The following ZNF79 variants were observed in gnomAD, a reference collection of about 807,000 sequenced individuals.
ZNF79 encodes zinc finger protein 79, also known as ZNFpT7.
ZNF79 carries 13 observed loss-of-function variants against 14.9 expected under a neutral mutation model. The ratio of observed to expected loss-of-function variants is 0.87; its 90% CI spans 0.57 to 1.38. The LOEUF (loss-of-function observed/expected upper bound fraction) is 1.38. Among genes scored for constraint, ZNF79 ranks in the 40% most tolerant of loss-of-function variants. ZNF79 has a pLI of 0.00. For missense variants in ZNF79, 631 were observed against 630.6 expected (o/e 1.00, Z -0.01); for synonymous variants, 223 against 235.1 (o/e 0.95, Z 0.47).
chr9:127,440,235 C>G (rs1834026736), intron 4 of ZNF79, among the ~76,000 whole-genome samples: 1 of 151,852 alleles, frequency 6.6e-6, no homozygotes, highest in Non-Finnish European at 1.5e-5. Context: ...GACTGGGGCA[C>G]AAGGCTGAGT....
In ZNF79 at chr9:127,444,134, G is replaced by A; in HGVS notation, c.434G>A (p.Ser145Asn). 1 of 1,613,590 alleles carries A rather than the reference G, an allele frequency of 6.2e-7. No individual in the cohort carries two copies. Among genetic ancestry groups the A allele is most frequent in the Non-Finnish European group, 8.5e-7 (1 of 1,180,026 alleles). Reference protein sequence around the residue: ...MPPGDSDHGTSDLEKSFNLRP... With the variant: ...MPPGDSDHGTNDLEKSFNLRP... The stretch of plus-strand genomic sequence containing the variant: ...CCTGGGGATTCAGACCACGGGACCA[G>A]TGACCTTGAGAAGAGCTTCAATCTG... Residue 145 changes from serine (S) to asparagine (N), a missense_variant, in exon 5 of 5, where the codon AGT (serine) becomes AAT (asparagine). Physicochemically the swap from Ser to Asn is conservative, Grantham distance 46. Transcript: ENST00000342483.
chr9:127,428,160 T>C (rs1259836345), intron 1 of ZNF79, among the ~76,000 whole-genome samples: 1 of 151,912 alleles, frequency 6.6e-6, no homozygotes, highest in Non-Finnish European at 1.5e-5. Context: ...TTTGTATTTT[T>C]AATAGAGACG....
At chr9:127,442,157 T>C (rs988286677) in intron 4 of ZNF79, among the ~76,000 whole-genome samples, 6 of 150,792 alleles carry the variant, frequency 4.0e-5, no homozygotes, top group Non-Finnish European at 8.8e-5. Context: ...TTCCAGCACT[T>C]TGGGAGGCCG....
chr9:127,431,121 G>T, intron 2 of ZNF79, among the ~76,000 whole-genome samples: 1 of 151,424 alleles, frequency 6.6e-6, no homozygotes. Context: ...TTTTTAACGT[G>T]GTTATTTGTT....
At chr9:127,435,452 C>T (rs1266651188) in intron 3 of ZNF79, among the ~76,000 whole-genome samples, 1 of 152,314 alleles carries the variant, frequency 6.6e-6, no homozygotes. Flanking sequence ...GGTGGGGTAA[C>T]CCTCAGGTCA....
At position 127,444,278 on chromosome 9, in the gene ZNF79, A is replaced by G. The variant is rs1332757977; in HGVS notation, c.578A>G (p.Tyr193Cys). The G allele has an allele frequency of 1.2e-6, 2 of 1,614,154 alleles. No homozygotes were observed. The highest frequency in any genetic ancestry group is 1.7e-6 in the Non-Finnish European group (2 of 1,180,036). Residue 193 changes from tyrosine to cysteine, a missense_variant, in exon 5 of 5, where the codon TAT becomes TGT. By Grantham distance (194) the Tyr-to-Cys change is radical. Coordinates refer to ENST00000342483, the MANE Select transcript of ZNF79 (RefSeq NM_007135.3). ...EILKPHRAKP[Y>C]ACNECGKAFS... is the part of the protein sequence containing the mutation. ...CTGAAACCTCACAGAGCAAAACCAT[A>G]TGCATGTAATGAATGTGGCAAAGCC... is the stretch of plus-strand genomic sequence containing the variant.
chr9:127,444,639 C>T lies in ZNF79; in HGVS notation c.939C>T (p.Ala313=). ...ACGAATGCAGCGACTGTGGGAAGGC[C>T]TTCCGTCACAGTGCAAACCTCACGA... The part of the protein sequence containing the change: ...KPYECSDCGK[A]FRHSANLTNH... Residue 313 remains alanine (A), a synonymous_variant, in exon 5 of 5, where the codon GCC becomes GCT. Coordinates refer to ENST00000342483, the MANE Select transcript of ZNF79 (RefSeq NM_007135.3). 1 of 1,614,132 alleles carries T rather than the reference C, an allele frequency of 6.2e-7. No individual in the cohort carries two copies. Among genetic ancestry groups the T allele is most frequent in the Non-Finnish European group, 8.5e-7 (1 of 1,179,982 alleles).
chr9:127,441,495 C>A (rs73592494), intron 4 of ZNF79, among the ~76,000 whole-genome samples: 2,277 of 152,268 alleles, frequency 0.015, 48 homozygotes, highest in African/African-American at 0.051. Context: ...CCCAGCCAGT[C>A]TGGTTGAAGA....
In ZNF79 at chr9:127,439,926, G is replaced by A. The variant is rs563722335; in HGVS notation, c.328+3923G>A. On this transcript the variant is annotated intron_variant, in intron 4 of 4. Transcript: ENST00000342483. ...CTCCCAGGCTGGAGTGCAGTGGCGC[G>A]ATCTCAGTTCACTGCAAGCTCCACC... Among the ~76,000 whole-genome samples the A allele has an allele frequency of 4.6e-5, 7 of 152,116 alleles. No individual in the cohort carries two copies. In the South Asian group the frequency reaches 6.2e-4, roughly 14 times the overall value.
chr9:127,433,291 G>A (rs957424635), intron 2 of ZNF79, among the ~76,000 whole-genome samples: 5 of 152,204 alleles, frequency 3.3e-5, no homozygotes, highest in African/African-American at 1.2e-4. Flanking sequence ...AATCAATGGG[G>A]ATTGATGCTG....
chr9:127,444,904 A>G lies in ZNF79; in HGVS notation c.1204A>G (p.Thr402Ala). The G allele has an allele frequency of 1.2e-6, 2 of 1,609,504 alleles. No homozygotes were observed. Among genetic ancestry groups the G allele is most frequent in the Non-Finnish European group, 1.7e-6 (2 of 1,178,712 alleles). The change falls in exon 5 of 5, where the codon ACC becomes GCC. Residue 402 changes from threonine (T) to alanine (A), a missense_variant. Physicochemically the swap from Thr to Ala is moderately conservative, Grantham distance 58. Coordinates refer to ENST00000342483, the MANE Select transcript of ZNF79 (RefSeq NM_007135.3). ...SECGKAFSQS[T>A]NLIIHQKTHT... is the part of the protein sequence containing the mutation. ...GTGTGGGAAGGCCTTCAGCCAGAGT[A>G]CCAATCTCATAATCCACCAAAAGAC...
intron 4 of ZNF79, among the ~76,000 whole-genome samples, chr9:127,438,426 A>G (rs773248825): frequency 9.9e-5 from 15 of 152,284 alleles, no homozygotes; most frequent in African/African-American, 1.4e-4. Context: ...GGGAGCTTTC[A>G]TGCCTTCCCT....
Position 127,444,920 on chromosome 9 carries a change from A to C in ZNF79, c.1220A>C (p.His407Pro), listed in dbSNP as rs776738275. 2 of 1,614,064 alleles carry C rather than the reference A, an allele frequency of 1.2e-6. No individual in the cohort carries two copies. The highest frequency in any genetic ancestry group is 2.2e-5 in the East Asian group (1 of 44,902). Residue 407 changes from histidine to proline, a missense_variant, in exon 5 of 5, where the codon CAC becomes CCC. Coordinates refer to ENST00000342483, the MANE Select transcript of ZNF79 (RefSeq NM_007135.3). Reference sequence around the variant, plus strand: ...AGCCAGAGTACCAATCTCATAATCCACCAAAAGACCCACACCGGGGAGAAG... The same window carrying C: ...AGCCAGAGTACCAATCTCATAATCCCCCAAAAGACCCACACCGGGGAGAAG... ...AFSQSTNLII[H>P]QKTHTGEKPY...
intron 4 of ZNF79, among the ~76,000 whole-genome samples, chr9:127,442,865 CTGTG>C (rs112600999): frequency 3.3e-5 from 5 of 149,388 alleles, no homozygotes; most frequent in Non-Finnish European, 6.0e-5. Flanking sequence ...GTCTCAAAAT[CTGTG>C]TGTGTGTGTG....
rs771807708 is a variant in ZNF79, at chr9:127,444,088, G to T, written c.388G>T (p.Asp130Tyr). The change falls in exon 5 of 5, where the codon GAC (aspartate) becomes TAC (tyrosine). Residue 130 changes from aspartate to tyrosine, a missense_variant. Asp to Tyr is a radical substitution (Grantham distance 160). Coordinates refer to ENST00000342483, the MANE Select transcript of ZNF79 (RefSeq NM_007135.3). ...EQALSEASFQDPCVEMPPGDS... is the reference protein window; with the variant it reads ...EQALSEASFQYPCVEMPPGDS... ...AGCCCTTTCTGAAGCTTCATTCCAA[G>T]ACCCATGTGTAGAGATGCCCCCTGG... is the stretch of plus-strand genomic sequence containing the variant. 8 of 1,611,926 alleles carry T rather than the reference G, an allele frequency of 5.0e-6. No homozygotes were observed.
intron 2 of ZNF79, among the ~76,000 whole-genome samples, chr9:127,431,437 C>T (rs750290809): frequency 1.3e-5 from 2 of 151,818 alleles, no homozygotes; most frequent in African/African-American, 4.8e-5. Context: ...TTAGTAGAGA[C>T]GGGGTTTTTC....
intron 2 of ZNF79, among the ~76,000 whole-genome samples, chr9:127,429,822 CT>C (rs34638175): frequency 0.4 from 56,486 of 141,738 alleles, 11,529 homozygotes; most frequent in Middle Eastern, 0.49. Context: ...TTTCTTTTTC[CT>C]TTTTTTTTTT....
At chr9:127,441,927 A>G (rs913625953) in intron 4 of ZNF79, among the ~76,000 whole-genome samples, 8 of 148,052 alleles carry the variant, frequency 5.4e-5, no homozygotes, top group Non-Finnish European at 1.0e-4. Context: ...CCTGGGTGAC[A>G]GAGTGAGACT....
rs1047048110 is a variant in ZNF79 at position 127,432,138 on chromosome 9, G to T, written c.106-2952G>T. 2.0e-5 allele frequency among the ~76,000 whole-genome samples: 3 copies of T among 150,528 alleles called. No individual in the cohort carries two copies. The Admixed American group carries it at 2.0e-4, about 10-fold the overall frequency. ...TAATCTTTTGCTTCTGCTTTCCTCA[G>T]GTTTATTTTTAAATTTTTTTTTTTT... On this transcript the variant is annotated intron_variant, in intron 2 of 4. Transcript: ENST00000342483.
Sources: gnomAD v4.1 joint callset for allele counts (sites outside exome capture counted in the v4.1 genomes callset) on GRCh38, gnomAD v4.1.1 for gene constraint, MANE v1.5 for transcripts, NCBI Gene and HGNC (gene_info 2026-07-23, HGNC 2026-07-21) for gene names.